Variants in ZNF469 observed in about 807,000 individuals in gnomAD.
ZNF469 encodes zinc finger protein 469.
A neutral mutation model predicts 1.0 loss-of-function variants in ZNF469; 1 was observed. The ratio of observed to expected loss-of-function variants is 1.00; its 90% CI spans 0.35 to 4.73. The LOEUF is 4.73. Among genes scored for constraint, ZNF469 ranks in the 30% most tolerant of loss-of-function variants. The pLI, the probability that ZNF469 is intolerant of heterozygous loss-of-function variation, is 0.16. For synonymous variants in ZNF469, 2,703 were observed against 2,363.4 expected, an observed-to-expected ratio of 1.14 and a Z score of -4.17; for missense variants, 6,100 against 5,356.3, an observed-to-expected ratio of 1.14 and a Z score of -4.33.
At chr16:88,349,403 GCACCAC>G in the ZNF469 span, among the ~76,000 whole-genome samples, 1 of 149,158 alleles carries the variant, frequency 6.7e-6, no homozygotes, top group Non-Finnish European at 1.5e-5. Context: ...CACACACCAG[GCACCAC>G]ACACACCACA....
intron 1 of ZNF469, among the ~76,000 whole-genome samples, chr16:88,387,393 C>G (rs1299412622): frequency 1.3e-5 from 2 of 152,150 alleles, no homozygotes; most frequent in Non-Finnish European, 1.5e-5. Context: ...GACCCACCCC[C>G]GGGTGCCGGG....
rs754458926 is a variant in ZNF469, at chr16:88,430,163, C to T, written c.2693C>T (p.Pro898Leu). 2.4e-4 allele frequency: 377 copies of T among 1,548,938 alleles called. No homozygotes were observed. The highest frequency in any genetic ancestry group is 3.2e-4 in the Non-Finnish European group (364 of 1,146,030). ...GGGGTGACTCCAGAGAGCAAAGCTC[C>T]GCCCCCGCTCCCAGCAGCCACGCCG... ...KAGVTPESKA[P>L]PPLPAATPDP... The change falls in exon 3 of 3, where the codon CCG becomes CTG. Residue 898 changes from proline (P) to leucine (L), a missense_variant. By Grantham distance (98) the Pro-to-Leu change is moderately conservative. Coordinates refer to ENST00000565624, the MANE Select transcript of ZNF469 (RefSeq NM_001367624.2).
chr16:88,326,976 G>A, the ZNF469 span, among the ~76,000 whole-genome samples: 1 of 152,148 alleles, frequency 6.6e-6, no homozygotes. Flanking sequence ...TCTCCCTCCT[G>A]TCTGTCTGTC....
intron 1 of ZNF469, among the ~76,000 whole-genome samples, chr16:88,418,645 C>T (rs1401278633): frequency 2.6e-5 from 4 of 151,996 alleles, no homozygotes; most frequent in Non-Finnish European, 4.4e-5. Context: ...ATAGGCACCC[C>T]GATAAGACAG....
the ZNF469 span, among the ~76,000 whole-genome samples, chr16:88,229,445 T>C: frequency 6.6e-6 from 1 of 152,344 alleles, no homozygotes; most frequent in East Asian, 1.9e-4. Flanking sequence ...GCAGCTTGTT[T>C]TCCGTTCCTG....
the ZNF469 span, among the ~76,000 whole-genome samples, chr16:88,244,393 G>GTGGT: frequency 6.9e-5 from 9 of 131,110 alleles, no homozygotes; most frequent in Non-Finnish European, 1.5e-4. Context: ...GAATGCATGG[G>GTGGT]TGGATGGATG....
At chr16:88,229,633 T>TAA in the ZNF469 span, among the ~76,000 whole-genome samples, 54 of 135,894 alleles carry the variant, frequency 4.0e-4, no homozygotes, top group African/African-American at 6.5e-4. Flanking sequence ...CGTGTGGATG[T>TAA]CACGTGTGTG....
the ZNF469 span, among the ~76,000 whole-genome samples, chr16:88,356,664 C>A: frequency 6.6e-6 from 1 of 152,030 alleles, no homozygotes; most frequent in Admixed American, 6.5e-5. Context: ...GTGGAGAGGC[C>A]AGATACATGA....
the ZNF469 span, among the ~76,000 whole-genome samples, chr16:88,253,611 C>T: frequency 6.6e-6 from 1 of 150,854 alleles, no homozygotes; most frequent in East Asian, 1.9e-4. Context: ...GATCTCGGCT[C>T]ACTGCAAACT....
chr16:88,209,237 A>C, the ZNF469 span, among the ~76,000 whole-genome samples: 1 of 151,022 alleles, frequency 6.6e-6, no homozygotes, highest in African/African-American at 2.4e-5. Context: ...TGTGACATAC[A>C]CCGTCTCATC....
rs1288571723 is a variant in ZNF469, at chr16:88,435,906, C to T, written c.8436C>T (p.Ser2812=). 16 of 1,549,950 alleles carry T rather than the reference C, an allele frequency of 1.0e-5. No homozygotes were observed. Among genetic ancestry groups the T allele is most frequent in the Non-Finnish European group, 1.3e-5 (15 of 1,146,980 alleles). Residue 2812 remains serine (S), a synonymous_variant, in exon 3 of 3, where the codon AGC becomes AGT. Transcript: ENST00000565624. ...FPETSSSPAD[S]TTSSCLQGLP... Reference sequence around the variant, plus strand: ...AGACTTCCAGCTCTCCGGCGGACAGCACCACCAGCAGCTGCCTCCAGGGCC... The same window carrying T: ...AGACTTCCAGCTCTCCGGCGGACAGTACCACCAGCAGCTGCCTCCAGGGCC...
the ZNF469 span, among the ~76,000 whole-genome samples, chr16:88,260,926 C>G: frequency 1.3e-5 from 2 of 152,112 alleles, no homozygotes; most frequent in African/African-American, 4.8e-5. This position sits in a 1 kb window ranked among gnomAD's most constrained non-coding sequence, Gnocchi z 4.1. Context: ...TGCGTGGCCA[C>G]GGACGCAGAC....
the ZNF469 span, among the ~76,000 whole-genome samples, chr16:88,365,115 T>C: frequency 1.3e-5 from 2 of 152,238 alleles, no homozygotes; most frequent in Admixed American, 6.5e-5. Flanking sequence ...GAAATAGCAT[T>C]ATTTTGGGAT....
At chr16:88,304,576 G>A in the ZNF469 span, among the ~76,000 whole-genome samples, 1 of 152,148 alleles carries the variant, frequency 6.6e-6, no homozygotes, top group African/African-American at 2.4e-5. Flanking sequence ...GCTCAGGAAT[G>A]TGCCTGTCCA....
At chr16:88,266,751 A>G in the ZNF469 span, among the ~76,000 whole-genome samples, 1 of 152,218 alleles carries the variant, frequency 6.6e-6, no homozygotes. Flanking sequence ...AAGTGACCTC[A>G]GCAGCTGTGG....
the ZNF469 span, among the ~76,000 whole-genome samples, chr16:88,245,288 AAGTAGAGGAGG>A: frequency 1.3e-5 from 2 of 152,232 alleles, no homozygotes; most frequent in Non-Finnish European, 2.9e-5. Flanking sequence ...GAGGATGATT[AAGTAGAGGAGG>A]AGGCTGTGAC....
the ZNF469 span, among the ~76,000 whole-genome samples, chr16:88,296,629 C>T: frequency 1.3e-5 from 2 of 152,084 alleles, no homozygotes; most frequent in Non-Finnish European, 2.9e-5. Flanking sequence ...CTCATGCACA[C>T]TCACATACGC....
chr16:88,432,923 A>T lies in ZNF469; in HGVS notation c.5453A>T (p.Asp1818Val), dbSNP rs780013286. 3 of 1,550,228 alleles carry T rather than the reference A, an allele frequency of 1.9e-6. No individual in the cohort carries two copies. The highest frequency in any genetic ancestry group is 1.2e-5 in the South Asian group (1 of 84,070). ...AFQGDGAPPL[D>V]ATWPFGASPS... Reference sequence around the variant, plus strand: ...CAGGGTGACGGGGCTCCACCTCTGGATGCCACCTGGCCTTTTGGTGCCAGT... The same window carrying T: ...CAGGGTGACGGGGCTCCACCTCTGGTTGCCACCTGGCCTTTTGGTGCCAGT... The change falls in exon 3 of 3, where the codon GAT becomes GTT. Residue 1818 changes from aspartate (D) to valine (V), a missense_variant. Asp to Val is a radical substitution (Grantham distance 152, BLOSUM62 -3). Coordinates refer to ENST00000565624, the MANE Select transcript of ZNF469 (RefSeq NM_001367624.2).
intron 1 of ZNF469, among the ~76,000 whole-genome samples, chr16:88,390,199 C>T (rs1161926173): frequency 2.0e-5 from 3 of 152,194 alleles, no homozygotes; most frequent in African/African-American, 7.2e-5. Flanking sequence ...GTCAGGTGGT[C>T]ACGGGGTTCA....
Sources: gnomAD v4.1 joint callset for allele counts (sites outside exome capture counted in the v4.1 genomes callset) on GRCh38, gnomAD v4.1.1 for gene constraint, Gnocchi (gnomAD v3.1) non-coding constraint, MANE v1.5 for transcripts, NCBI Gene and HGNC (gene_info 2026-07-23, HGNC 2026-07-21) for gene names.